LTF: variants seen among roughly 807,000 people sequenced by gnomAD.
LTF encodes the protein epididymis luminal protein 110.
LTF carries 91 observed loss-of-function variants against 87.2 expected under a neutral mutation model. The observed-to-expected ratio is 1.04, with a 90% CI of 0.88 to 1.24. The LOEUF is 1.24. Ranked by LOEUF, LTF falls within the 50% of genes most tolerant of loss-of-function variation. The pLI is 0.00. For missense variants in LTF, 901 were observed against 904.3 expected (o/e 1.00, Z 0.05); for synonymous variants, 378 against 356.1 (o/e 1.06, Z -0.69).
At chr3:46,463,525 C>T in intron 1 of LTF, 1 of 985,530 alleles carries the variant, frequency 1.0e-6, no homozygotes, top group Non-Finnish European at 1.2e-6. Flanking sequence ...TCAGGAAGGA[C>T]AAGGGTTGCA....
rs1702926731 is a variant in LTF, at chr3:46,456,199, C to T, written c.316+91G>A. 22 of 1,165,364 alleles carry T rather than the reference C, an allele frequency of 1.9e-5. No homozygotes were observed. The South Asian group carries it at 2.9e-4, about 15-fold the overall frequency. 72.2% of individuals were successfully genotyped at this position (1,165,364 alleles called of 1,614,324 possible). A position where few individuals can be genotyped will look rare whatever the true frequency, so the allele number is the denominator to read the frequency against. On this transcript the variant is annotated intron_variant, in intron 3 of 16. Transcript: ENST00000231751. ...CTACATGTGTGATGTGACCCAGACT[C>T]CACCTCCACATGTTCCCCCAGTCTT...
At chr3:46,466,925 TCAGAGGGCCCTGGGC>T (rs1189525601), upstream of LTF, among the ~76,000 whole-genome samples, 1 of 151,696 alleles carries the variant, frequency 6.6e-6, no homozygotes, top group Non-Finnish European at 1.5e-5. Context: ...GACTGGGAGG[TCAGAGGGCCCTGGGC>T]CCTCTTAAGT....
At position 46,441,409 on chromosome 3, in the gene LTF, C is replaced by T. The variant is rs1702511559; in HGVS notation, c.1723+7G>A. Reference sequence around the variant, plus strand: ...TTTGAAGGAGAAAAGGAAACACCTTCACCTACCATCAGTGTTCTGCAAGAC... The same window carrying T: ...TTTGAAGGAGAAAAGGAAACACCTTTACCTACCATCAGTGTTCTGCAAGAC... On this transcript the variant is annotated splice_region_variant and intron_variant, in intron 14 of 16. Coordinates refer to ENST00000231751, the MANE Select transcript of LTF (RefSeq NM_002343.6). 6.2e-7 allele frequency: 1 copy of T among 1,609,940 alleles called. No homozygotes were observed. The highest frequency in any genetic ancestry group is 8.5e-7 in the Non-Finnish European group (1 of 1,177,590).
At chr3:46,454,531 A>G (rs530634740) in intron 5 of LTF, among the ~76,000 whole-genome samples, 171 bp from the exon 6 acceptor site, 1 of 152,340 alleles carries the variant, frequency 6.6e-6, no homozygotes, top group Admixed American at 6.5e-5. Context: ...CCAGGTAGAT[A>G]CTGAAGAATG....
At chr3:46,482,552 AG>A (rs1559614542) in intron 1 of LTF, among the ~76,000 whole-genome samples, 1,509 of 106,512 alleles carry the variant, frequency 0.014, 201 homozygotes, top group South Asian at 0.047. Flanking sequence ...AGGGAAGGGA[AG>A]GGAAGGGAAG....
Position 46,447,291 on chromosome 3 carries a change from A to G in LTF, c.1303+17T>C. 1 of 1,604,888 alleles carries G rather than the reference A, an allele frequency of 6.2e-7. No individual in the cohort carries two copies. Among genetic ancestry groups the G allele is most frequent in the Non-Finnish European group, 8.5e-7 (1 of 1,171,608 alleles). ...TGACCCAGAGGGAATATACCAGAGG[A>G]TGCTAACTCCACTTACTGTAGTTCT... is the stretch of plus-strand genomic sequence containing the variant. On this transcript the variant is annotated intron_variant, in intron 10 of 16. Transcript: ENST00000231751.
chr3:46,471,843 C>T (rs1322802353), intron 1 of LTF, among the ~76,000 whole-genome samples: 3 of 152,126 alleles, frequency 2.0e-5, no homozygotes, highest in South Asian at 2.1e-4. Flanking sequence ...GCAAGGGCAC[C>T]GGGAGAGTAT....
chr3:46,437,861 C>T (rs1702421904), intron 16 of LTF, 79 bp downstream of exon 16: 1 of 1,091,394 alleles, frequency 9.2e-7, no homozygotes. Flanking sequence ...TGTGTTCGTT[C>T]CTAGAATGCT....
chr3:46,465,184 C>T, upstream of LTF: 1 of 440,854 alleles, frequency 2.3e-6, no homozygotes, highest in Non-Finnish European at 4.1e-6. Flanking sequence ...GAGCCCTGTC[C>T]CAGCTCTGGT....
At chr3:46,473,031 G>T (rs1033073045) in intron 1 of LTF, among the ~76,000 whole-genome samples, 1 of 152,034 alleles carries the variant, frequency 6.6e-6, no homozygotes, top group African/African-American at 2.4e-5. Context: ...GATGCATTCA[G>T]TTCTTCCTCC....
chr3:46,436,883 T>G (rs887398077), intron 16 of LTF, among the ~76,000 whole-genome samples: 3 of 152,236 alleles, frequency 2.0e-5, no homozygotes, highest in Admixed American at 1.3e-4. Context: ...TGGCTGTGCT[T>G]TGTTTAGTAG....
At chr3:46,475,542 AC>A (rs1703349924) in intron 1 of LTF, among the ~76,000 whole-genome samples, 1 of 151,098 alleles carries the variant, frequency 6.6e-6, no homozygotes, top group Non-Finnish European at 1.5e-5. Context: ...ACACACACAC[AC>A]ACACACACAC....
At chr3:46,457,148 T>C (rs1182146382) in intron 2 of LTF, among the ~76,000 whole-genome samples, 2 of 152,210 alleles carry the variant, frequency 1.3e-5, no homozygotes, top group African/African-American at 4.8e-5. Context: ...GTCTAGTTCC[T>C]AACAGGCCAT....
rs139929330 is a variant in LTF, at chr3:46,478,754, C to T, written c.-320+6232G>A. On this transcript the variant is annotated intron_variant, in intron 1 of 19. Transcript: ENST00000443496. ...AAGAGTCACAAAAGTGAGCAATTTCCAGGATATTTGGAAATATTCTGGCTT... is the reference window on the plus strand; with the variant it reads ...AAGAGTCACAAAAGTGAGCAATTTCTAGGATATTTGGAAATATTCTGGCTT... 7.0e-3 allele frequency among the ~76,000 whole-genome samples: 1,069 copies of T among 152,298 alleles called. 40 individuals carry two copies. Among genetic ancestry groups the T allele is most frequent in the Admixed American group, 0.06 (920 of 15,300 alleles).
intron 13 of LTF, 32 bp downstream of exon 13, chr3:46,443,409 C>T (rs1162229289): frequency 4.3e-6 from 7 of 1,613,052 alleles, no homozygotes; most frequent in Non-Finnish European, 5.1e-6. Context: ...GAGGTAAGTC[C>T]CCATCCTGAT....
intron 2 of LTF, among the ~76,000 whole-genome samples, chr3:46,459,300 A>G (rs1703017155): frequency 6.6e-6 from 1 of 152,218 alleles, no homozygotes; most frequent in Non-Finnish European, 1.5e-5. Context: ...CAGGGTTTAG[A>G]GGTCATGACT....
intron 1 of LTF, among the ~76,000 whole-genome samples, chr3:46,473,377 G>A (rs766209377): frequency 1.3e-5 from 2 of 152,134 alleles, no homozygotes; most frequent in Admixed American, 6.5e-5. Flanking sequence ...TTCCACCAGC[G>A]CCTCAAAACA....
chr3:46,450,706 A>G, intron 6 of LTF, 33 bp from the exon 7 acceptor site: 1 of 1,578,504 alleles, frequency 6.3e-7, no homozygotes, highest in Non-Finnish European at 8.7e-7. Flanking sequence ...GGGAGTCTAG[A>G]TAAGCCGACT....
intron 1 of LTF, among the ~76,000 whole-genome samples, chr3:46,484,516 C>G (rs4683237): frequency 6.6e-6 from 1 of 152,144 alleles, no homozygotes; most frequent in Non-Finnish European, 1.5e-5. Context: ...CACCCCTACC[C>G]TTGCTCCCCT....
Sources: allele counts gnomAD v4.1 joint callset (sites outside exome capture counted in the v4.1 genomes callset), GRCh38; gene constraint gnomAD v4.1.1; transcripts MANE v1.5; gene names NCBI Gene and HGNC (gene_info 2026-07-23, HGNC 2026-07-21).